The following MCTP2 variants were observed in gnomAD, a reference collection of about 807,000 sequenced individuals.
The protein encoded by MCTP2 is multiple C2 and transmembrane domain containing 2.
A neutral mutation model predicts 111.6 loss-of-function variants in MCTP2; 132 were observed. That is an observed-to-expected ratio of 1.18 (90% confidence interval 1.03 to 1.37). MCTP2 has a LOEUF of 1.37. MCTP2 is among the 40% of genes most tolerant of loss of function. MCTP2 has a pLI of 0.00. For synonymous variants in MCTP2, 395 were observed against 387.7 expected, an observed-to-expected ratio of 1.02 and a Z score of -0.22; for missense variants, 1,183 against 1,067.9, an observed-to-expected ratio of 1.11 and a Z score of -1.50.
intron 20 of MCTP2, among the ~76,000 whole-genome samples, chr15:94,460,164 A>T (rs957978163): frequency 2.0e-5 from 3 of 152,208 alleles, no homozygotes; most frequent in East Asian, 1.9e-4. Context: ...GAGAGGTAAG[A>T]GAGAATTCTG....
At chr15:94,445,640 G>A (rs2152515144) in intron 19 of MCTP2, among the ~76,000 whole-genome samples, 1 of 152,296 alleles carries the variant, frequency 6.6e-6, no homozygotes, top group East Asian at 1.9e-4. Context: ...CATAGACCAG[G>A]ACATGCAGTC....
intron 20 of MCTP2, 94 bp from the exon 21 acceptor site, chr15:94,470,239 T>C: frequency 1.0e-6 from 1 of 980,584 alleles, no homozygotes; most frequent in Non-Finnish European, 1.6e-6. Flanking sequence ...AAAAAAAATT[T>C]CTATAATTAT....
intron 17 of MCTP2, among the ~76,000 whole-genome samples, chr15:94,416,915 G>A (rs2082402889): frequency 6.6e-6 from 1 of 152,144 alleles, no homozygotes. Flanking sequence ...CCCGAAGGCT[G>A]TTTTTACTGT....
chr15:94,296,891 A>G (rs1243910018), intron 1 of MCTP2, among the ~76,000 whole-genome samples: 1 of 152,248 alleles, frequency 6.6e-6, no homozygotes, highest in Non-Finnish European at 1.5e-5. Flanking sequence ...TGCGCTGGTC[A>G]TTAGGCAAGG....
chr15:94,236,173 A>G (rs924365872), intron 1 of MCTP2, among the ~76,000 whole-genome samples: 4 of 151,970 alleles, frequency 2.6e-5, no homozygotes, highest in African/African-American at 9.7e-5. Flanking sequence ...CTTGTTTAGG[A>G]ATGCTGGGAT....
At chr15:94,370,269 A>G (rs1046135635) in intron 12 of MCTP2, 89 bp downstream of exon 12, 3 of 1,028,492 alleles carry the variant, frequency 2.9e-6, no homozygotes, top group Admixed American at 2.3e-5. Context: ...TAATAAGCAG[A>G]AGTATGACTA....
At chr15:94,380,400 T>C (rs576188932) in intron 12 of MCTP2, among the ~76,000 whole-genome samples, 196 of 152,284 alleles carry the variant, frequency 1.3e-3, no homozygotes, top group African/African-American at 4.3e-3. Context: ...TTGCAGATAA[T>C]TGCTTAGGTG....
intron 4 of MCTP2, among the ~76,000 whole-genome samples, chr15:94,323,420 A>C (rs2076713480): frequency 6.6e-6 from 1 of 152,186 alleles, no homozygotes; most frequent in Non-Finnish European, 1.5e-5. Context: ...ATGAATAATC[A>C]TGGGCACAGA....
chr15:94,445,246 C>A (rs977463363), intron 19 of MCTP2, among the ~76,000 whole-genome samples: 2 of 152,148 alleles, frequency 1.3e-5, no homozygotes, highest in Non-Finnish European at 2.9e-5. Context: ...CATTAGGGTT[C>A]TCCTCCTTCC....
Position 94,421,308 on chromosome 15 carries a change from C to T in MCTP2, c.2086-18868C>T, listed in dbSNP as rs149187403. Among the ~76,000 whole-genome samples the T allele has an allele frequency of 6.2e-3, 942 of 152,164 alleles. 11 individuals are homozygous for T. The highest frequency in any genetic ancestry group is 0.01 in the Non-Finnish European group (712 of 67,986). ...ACTCACTTTATTGTGATTTTTGCTT[C>T]GTTGTGGTTGTCTGGAACCAAACTC... On this transcript the variant is annotated intron_variant, in intron 17 of 22. Coordinates refer to ENST00000357742, the MANE Select transcript of MCTP2 (RefSeq NM_001385001.1).
intron 1 of MCTP2, among the ~76,000 whole-genome samples, chr15:94,244,888 A>G (rs1434242449): frequency 6.8e-6 from 1 of 147,100 alleles, no homozygotes; most frequent in African/African-American, 2.5e-5. Context: ...ATATACGTAT[A>G]TGTATACACA....
At chr15:94,355,143 G>T (rs931046691) in intron 8 of MCTP2, among the ~76,000 whole-genome samples, 1 of 152,328 alleles carries the variant, frequency 6.6e-6, no homozygotes, top group African/African-American at 2.4e-5. Flanking sequence ...TCAGGGAAAT[G>T]TGAATATGCA....
Position 94,314,357 on chromosome 15 carries a change from C to G in MCTP2, c.528+13C>G. ...TGAAGAACAATCTGTGAGTGGCATT[C>G]CTTAAAAAGAAACATTAAATGTTGT... On this transcript the variant is annotated intron_variant, in intron 3 of 22. Transcript: ENST00000357742. The G allele has an allele frequency of 1.3e-6, 2 of 1,574,928 alleles. No homozygotes were observed. Among genetic ancestry groups the G allele is most frequent in the Non-Finnish European group, 1.7e-6 (2 of 1,150,842 alleles).
In MCTP2 at chr15:94,473,300, T is replaced by A. The variant is rs56965006; in HGVS notation, c.2470+2858T>A. On this transcript the variant is annotated intron_variant, in intron 21 of 22. Coordinates refer to ENST00000357742, the MANE Select transcript of MCTP2 (RefSeq NM_001385001.1). ...CAGCCACATTTATGTAAGAGATCTT[T>A]AATGAGTTCTTAAATATTTTTATGA... Among the ~76,000 whole-genome samples the A allele has an allele frequency of 1.0e-3, 154 of 152,310 alleles. 1 individual carries two copies. The highest frequency in any genetic ancestry group is 3.6e-3 in the African/African-American group (150 of 41,596).
intron 1 of MCTP2, among the ~76,000 whole-genome samples, chr15:94,243,454 CATGCGTATGCGTAT>C (rs1397787841): frequency 6.5e-4 from 35 of 53,490 alleles, no homozygotes; most frequent in African/African-American, 2.1e-3. Flanking sequence ...CGTATGCGTA[CATGCGTATGCGTAT>C]ATGCGTATGT....
chr15:94,394,541 G>A lies in MCTP2; in HGVS notation c.1789-4420G>A, dbSNP rs1042663228. On this transcript the variant is annotated intron_variant, in intron 14 of 22. Coordinates refer to ENST00000357742, the MANE Select transcript of MCTP2 (RefSeq NM_001385001.1). ...AGCACTTTGGGAGGCTGAGGCGGGT[G>A]GATCACGAGGTCAGGAGATCGAGAC... Among the ~76,000 whole-genome samples the A allele has an allele frequency of 2.6e-5, 4 of 152,066 alleles. No individual in the cohort carries two copies. The South Asian group carries it at 6.2e-4, about 24-fold the overall frequency.
At chr15:94,417,908 T>G (rs1417759462) in intron 17 of MCTP2, among the ~76,000 whole-genome samples, 6 of 152,238 alleles carry the variant, frequency 3.9e-5, no homozygotes, top group African/African-American at 1.2e-4. Flanking sequence ...TGTACAGAGC[T>G]ATTGCAGGCT....
rs1327645694 is a variant in MCTP2 at position 94,398,944 on chromosome 15, T to C, written c.1789-17T>C. On this transcript the variant is annotated splice_polypyrimidine_tract_variant and intron_variant, in intron 14 of 22. Transcript: ENST00000357742. ...TAATTTTGCACCAATGTGTATTTTG[T>C]CTTTTGTTTGTGACAGATTAGAGAT... is the stretch of plus-strand genomic sequence containing the variant. 1 of 1,454,880 alleles carries C rather than the reference T, an allele frequency of 6.9e-7. No individual in the cohort carries two copies. Among genetic ancestry groups the C allele is most frequent in the South Asian group, 1.2e-5 (1 of 86,590 alleles). 90.1% of individuals were successfully genotyped at this position (1,454,880 alleles called of 1,614,324 possible). A position where few individuals can be genotyped will look rare whatever the true frequency, so the allele number is the denominator to read the frequency against.
intron 12 of MCTP2, among the ~76,000 whole-genome samples, chr15:94,375,652 A>G (rs912098036): frequency 6.6e-6 from 1 of 152,210 alleles, no homozygotes; most frequent in Non-Finnish European, 1.5e-5. Flanking sequence ...TATCTTGGTA[A>G]TAAAGGTGTC....
Sources: gnomAD v4.1 joint callset for allele counts (sites outside exome capture counted in the v4.1 genomes callset) on GRCh38, gnomAD v4.1.1 for gene constraint, MANE v1.5 for transcripts, NCBI Gene and HGNC (gene_info 2026-07-23, HGNC 2026-07-21) for gene names.